Variants in ATF6B observed in about 807,000 individuals in gnomAD.
The protein encoded by ATF6B is activating transcription factor 6 beta, also known as cyclic AMP-dependent transcription factor ATF-6 beta.
Under a neutral mutation model 83.5 loss-of-function variants are expected in ATF6B, and 50 were observed. The observed-to-expected ratio is 0.60, with a 90% confidence interval of 0.48 to 0.76. The LOEUF (loss-of-function observed/expected upper bound fraction) is 0.76. Ranked by LOEUF, ATF6B falls within the 30% of genes least tolerant of loss-of-function variation. The pLI is 0.00. For missense variants in ATF6B, 790 were observed against 893.8 expected (o/e 0.88, Z 1.48); for synonymous variants, 344 against 362.8 (o/e 0.95, Z 0.59).
chr6:32,117,248 C>A lies in ATF6B; in HGVS notation c.1614+75G>T. Reference sequence around the variant, plus strand: ...CCCTCAAACTTCCACAGCGAGATGCCCACTAGAAATCCCCAGACAAGGCCT... The same window carrying A: ...CCCTCAAACTTCCACAGCGAGATGCACACTAGAAATCCCCAGACAAGGCCT... On this transcript the variant is annotated intron_variant, in intron 14 of 17. Transcript: ENST00000375203. The surrounding 1 kb of genome is among the most constrained non-coding windows in gnomAD (Gnocchi z 5.0). The A allele has an allele frequency of 6.4e-7, 1 of 1,562,660 alleles. No individual in the cohort carries two copies. Among genetic ancestry groups the A allele is most frequent in the Non-Finnish European group, 8.7e-7 (1 of 1,144,408 alleles).
Position 32,121,257 on chromosome 6 carries a change from G to A in ATF6B, c.564+6C>T. On this transcript the variant is annotated splice_donor_region_variant and intron_variant, in intron 6 of 17. Coordinates refer to ENST00000375203, the MANE Select transcript of ATF6B (RefSeq NM_004381.5). ...ACCTGGAGGAAGGAAGGAAGGTGGT[G>A]CTCACCTGGCTGGAGGAGTCGGCTG... is the stretch of plus-strand genomic sequence containing the variant. 8 of 1,613,820 alleles carry A rather than the reference G, an allele frequency of 5.0e-6. No homozygotes were observed. The highest frequency in any genetic ancestry group is 6.8e-6 in the Non-Finnish European group (8 of 1,179,838).
intron 1 of ATF6B, 149 bp downstream of exon 1, chr6:32,127,968 C>G: frequency 9.9e-7 from 1 of 1,005,908 alleles, no homozygotes; most frequent in Non-Finnish European, 1.5e-6. Context: ...ACTTTTGTAT[C>G]CCCCTTAATG....
intron 3 of ATF6B, 89 bp downstream of exon 3, chr6:32,127,353 T>C (rs986511514): frequency 6.9e-7 from 1 of 1,457,318 alleles, no homozygotes; most frequent in East Asian, 2.3e-5. Context: ...TGTAGAAGCG[T>C]GAGGATATAG....
In ATF6B at chr6:32,117,603, G is replaced by A. The variant is rs758003211; in HGVS notation, c.1516C>T (p.Arg506Cys). Residue 506 changes from arginine to cysteine, a missense_variant, in exon 13 of 18, where the codon CGC becomes TGC. This residue lies in a region of ATF6B where 530 missense variants were observed against 632.6 expected (regional missense o/e 0.84). Coordinates refer to ENST00000375203, the MANE Select transcript of ATF6B (RefSeq NM_004381.5). The surrounding 1 kb of genome is among the most constrained non-coding windows in gnomAD (Gnocchi z 5.0). ...ATCCCACACCTCAGGGACTCAGTGCGGTTGAAGTGCCGGCAATCAGAGGAG... is the reference window on the plus strand; with the variant it reads ...ATCCCACACCTCAGGGACTCAGTGCAGTTGAAGTGCCGGCAATCAGAGGAG... ...FLSSDCRHFNRTESLRLADEL... is the reference protein window; with the variant it reads ...FLSSDCRHFNCTESLRLADEL... 5.6e-6 allele frequency: 9 copies of A among 1,613,976 alleles called. No individual in the cohort carries two copies. Among genetic ancestry groups the A allele is most frequent in the South Asian group, 1.1e-5 (1 of 91,058 alleles).
Position 32,118,844 on chromosome 6 carries a change from G to A in ATF6B, c.1175C>T (p.Ser392Phe). ...GATGCAGACCACCTTCCTGTTTCCAGACCCTAACTTGAGCTCGCTGTTCTA... is the reference window on the plus strand; with the variant it reads ...GATGCAGACCACCTTCCTGTTTCCAAACCCTAACTTGAGCTCGCTGTTCTA... Reference protein sequence around the residue: ...LAENSELKLGSGNRKVVCIMV... With the variant: ...LAENSELKLGFGNRKVVCIMV... The change falls in exon 11 of 18, where the codon TCT becomes TTT. Residue 392 changes from serine to phenylalanine, a missense_variant. Around this residue, in one of 3 missense-constraint regions of ATF6B, gnomAD observed 530 missense variants for 632.6 expected, o/e 0.84. Coordinates refer to ENST00000375203, the MANE Select transcript of ATF6B (RefSeq NM_004381.5). The surrounding 1 kb of genome is among the most constrained non-coding windows in gnomAD (Gnocchi z 5.2). 6.2e-7 allele frequency: 1 copy of A among 1,614,248 alleles called. No individual in the cohort carries two copies. The highest frequency in any genetic ancestry group is 1.1e-5 in the South Asian group (1 of 91,082).
Position 32,117,698 on chromosome 6 carries a change from G to C in ATF6B, c.1425-4C>G, listed in dbSNP as rs761024235. On this transcript the variant is annotated splice_polypyrimidine_tract_variant and splice_region_variant and intron_variant, in intron 12 of 17. Coordinates refer to ENST00000375203, the MANE Select transcript of ATF6B (RefSeq NM_004381.5). This position sits in a 1 kb window ranked among gnomAD's most constrained non-coding sequence, Gnocchi z 5.0. ...CCCAGGGAAGGCTGTCAGGTTGCTG[G>C]AGTGAAGCAGGAAGGAGACAACACT... 1 of 1,613,446 alleles carries C rather than the reference G, an allele frequency of 6.2e-7. No homozygotes were observed. Among genetic ancestry groups the C allele is most frequent in the Non-Finnish European group, 8.5e-7 (1 of 1,179,572 alleles).
In ATF6B at chr6:32,127,105, C is replaced by A. The variant is rs755289912; in HGVS notation, c.340G>T (p.Glu114Ter). 12 of 1,594,824 alleles carry A rather than the reference C, an allele frequency of 7.5e-6. No homozygotes were observed. The highest frequency in any genetic ancestry group is 1.0e-5 in the Non-Finnish European group (12 of 1,170,758). The change falls in exon 4 of 18, where the codon GAG becomes TAG. Residue 114 changes from glutamate to a stop codon, truncating the protein, a stop_gained and splice_region_variant. Transcript: ENST00000375203. LOFTEE classifies it high-confidence loss of function. ...TAAGAGGGATATGGCTCTCTCACCT[C>A]GCTGGATGGCTCTGTGGAGAGACGC... Reference protein sequence around the residue: ...SSRLSTEPSSEALGVGEVLHV... With the variant: ...SSRLSTEPSS
At position 32,115,689 on chromosome 6, in the gene ATF6B, G is replaced by A; in HGVS notation, c.*50C>T. The A allele has an allele frequency of 6.8e-7, 1 of 1,478,682 alleles. No homozygotes were observed. The highest frequency in any genetic ancestry group is 2.0e-4 in the Middle Eastern group (1 of 5,118). The allele number at this position is 1,478,682 out of a possible 1,614,324, so 91.6% of individuals were successfully genotyped here. On this transcript the variant is annotated 3_prime_UTR_variant, in exon 18 of 18. Coordinates refer to ENST00000375203, the MANE Select transcript of ATF6B (RefSeq NM_004381.5). Reference sequence around the variant, plus strand: ...GGGAAATTTGAAACAGTCCCACCTGGCCACCTGGTACCCCCTCCCCCCGTT... The same window carrying A: ...GGGAAATTTGAAACAGTCCCACCTGACCACCTGGTACCCCCTCCCCCCGTT...
In ATF6B at chr6:32,116,610, C is replaced by T; in HGVS notation, c.1798-46G>A. On this transcript the variant is annotated intron_variant, in intron 16 of 17. Coordinates refer to ENST00000375203, the MANE Select transcript of ATF6B (RefSeq NM_004381.5). The surrounding 1 kb of genome is among the most constrained non-coding windows in gnomAD (Gnocchi z 5.1). ...GCCAGAAGGGTGGAGGCAAAGATGC[C>T]AACAAGCTCCCCAGCCCTACTCTAC... is the stretch of plus-strand genomic sequence containing the variant. The T allele has an allele frequency of 1.3e-6, 2 of 1,597,524 alleles. No homozygotes were observed. Among genetic ancestry groups the T allele is most frequent in the Non-Finnish European group, 1.7e-6 (2 of 1,167,842 alleles).
chr6:32,118,834 C>G lies in ATF6B; in HGVS notation c.1185G>C (p.Arg395Ser). 6.2e-7 allele frequency: 1 copy of G among 1,614,246 alleles called. No homozygotes were observed. The highest frequency in any genetic ancestry group is 8.5e-7 in the Non-Finnish European group (1 of 1,180,052). The change falls in exon 11 of 18, where the codon AGG becomes AGC. Residue 395 changes from arginine to serine, a missense_variant. By Grantham distance (110) the Arg-to-Ser change is moderately radical. Transcript: ENST00000375203. This position sits in a 1 kb window ranked among gnomAD's most constrained non-coding sequence, Gnocchi z 5.2. ...GGAAGACCATGATGCAGACCACCTT[C>G]CTGTTTCCAGACCCTAACTTGAGCT... is the stretch of plus-strand genomic sequence containing the variant. Reference protein sequence around the residue: ...NSELKLGSGNRKVVCIMVFLL... With the variant: ...NSELKLGSGNSKVVCIMVFLL...
chr6:32,119,707 T>C lies in ATF6B; in HGVS notation c.966+117A>G. On this transcript the variant is annotated intron_variant, in intron 9 of 17. Transcript: ENST00000375203. The surrounding 1 kb of genome is among the most constrained non-coding windows in gnomAD (Gnocchi z 4.9). Reference sequence around the variant, plus strand: ...CTCAGAATGATCTAATGGGTCCGTTTCCTCACTTTTTTCTCCTAGGTATCG... The same window carrying C: ...CTCAGAATGATCTAATGGGTCCGTTCCCTCACTTTTTTCTCCTAGGTATCG... 1 of 1,436,210 alleles carries C rather than the reference T, an allele frequency of 7.0e-7. No individual in the cohort carries two copies. Among genetic ancestry groups the C allele is most frequent in the Non-Finnish European group, 9.5e-7 (1 of 1,057,996 alleles). The allele number at this position is 1,436,210 out of a possible 1,614,324, so 89.0% of individuals were successfully genotyped here. A position where few individuals can be genotyped will look rare whatever the true frequency, so the allele number is the denominator to read the frequency against.
rs1782012693 is a variant in ATF6B, at chr6:32,127,131, G to A, written c.314C>T (p.Ser105Leu). The A allele has an allele frequency of 6.2e-7, 1 of 1,610,094 alleles. No homozygotes were observed. Among genetic ancestry groups the A allele is most frequent in the Non-Finnish European group, 8.5e-7 (1 of 1,178,586 alleles). ...GCTGGATGGCTCTGTGGAGAGACGC[G>A]ATGACTCGGAGCTGAGGGAGGAGGA... ...CSSSSLSSESSRLSTEPSSEA... is the reference protein window; with the variant it reads ...CSSSSLSSESLRLSTEPSSEA... The change falls in exon 4 of 18, where the codon TCG (serine) becomes TTG (leucine). Residue 105 changes from serine to leucine, a missense_variant. By Grantham distance (145) the Ser-to-Leu change is moderately radical. Coordinates refer to ENST00000375203, the MANE Select transcript of ATF6B (RefSeq NM_004381.5).
Position 32,128,180 on chromosome 6 carries a change from T to C in ATF6B, c.28A>G (p.Ile10Val). 2.5e-6 allele frequency: 4 copies of C among 1,612,406 alleles called. No individual in the cohort carries two copies. The highest frequency in any genetic ancestry group is 2.2e-5 in the East Asian group (1 of 44,822). ...GTGAAGAAACGCGTCGGGTCAGCAA[T>C]CTCGCTGAGCAGCATCAGCTCCGCC... MAELMLLSE[I>V]ADPTRFFTDN... Residue 10 changes from isoleucine (I) to valine (V), a missense_variant, in exon 1 of 18, where the codon ATT becomes GTT. Around this residue, in one of 3 missense-constraint regions of ATF6B, gnomAD observed 253 missense variants for 243.1 expected, o/e 1.04. Coordinates refer to ENST00000375203, the MANE Select transcript of ATF6B (RefSeq NM_004381.5).
chr6:32,116,786 C>A lies in ATF6B; in HGVS notation c.1715G>T (p.Arg572Leu). ...TGCTGGCTGCGAACGGTCTGGGTGG[C>A]GATATAGTTGCAGCTGGCCCACAGA... is the stretch of plus-strand genomic sequence containing the variant. Reference protein sequence around the residue: ...RDSVGQLQLYRHPDRSQPAFL... With the variant: ...RDSVGQLQLYLHPDRSQPAFL... The change falls in exon 16 of 18, where the codon CGC becomes CTC. Residue 572 changes from arginine to leucine, a missense_variant. Transcript: ENST00000375203. The surrounding 1 kb of genome is among the most constrained non-coding windows in gnomAD (Gnocchi z 5.1). The A allele has an allele frequency of 6.2e-7, 1 of 1,614,028 alleles. No individual in the cohort carries two copies. Among genetic ancestry groups the A allele is most frequent in the Non-Finnish European group, 8.5e-7 (1 of 1,179,980 alleles).
In ATF6B at chr6:32,119,179, G is replaced by C. The variant is rs754026619; in HGVS notation, c.967-38C>G. 2 of 1,575,872 alleles carry C rather than the reference G, an allele frequency of 1.3e-6. No individual in the cohort carries two copies. The highest frequency in any genetic ancestry group is 2.3e-5 in the East Asian group (1 of 43,490). ...AAGGTCAAAAAAGAATGACAGATGA[G>C]TTGGCAGAAGGAGACTATGCTCTCA... On this transcript the variant is annotated intron_variant, in intron 9 of 17. Coordinates refer to ENST00000375203, the MANE Select transcript of ATF6B (RefSeq NM_004381.5). This position sits in a 1 kb window ranked among gnomAD's most constrained non-coding sequence, Gnocchi z 4.9.
rs1781655011 is a variant in ATF6B at position 32,119,160 on chromosome 6, AAAAAAGAATGACAGAT to A, written c.967-35_967-20del. The A allele has an allele frequency of 1.3e-6, 2 of 1,596,154 alleles. No individual in the cohort carries two copies. Among genetic ancestry groups the A allele is most frequent in the Admixed American group, 1.8e-5 (1 of 56,092 alleles). On this transcript the variant is annotated intron_variant, in intron 9 of 17. Coordinates refer to ENST00000375203, the MANE Select transcript of ATF6B (RefSeq NM_004381.5). The surrounding 1 kb of genome is among the most constrained non-coding windows in gnomAD (Gnocchi z 4.9). The stretch of plus-strand genomic sequence containing the variant: ...GCTTTGCCTAGGCACCCGGAAGGTC[AAAAAAGAATGACAGAT>A]GAGTTGGCAGAAGGAGACTATGCTC...
At chr6:32,126,076 C>A (rs1245304737) in intron 5 of ATF6B, 41 bp downstream of exon 5, 1 of 1,612,400 alleles carries the variant, frequency 6.2e-7, no homozygotes, top group East Asian at 2.2e-5. Flanking sequence ...ACACATTCTC[C>A]CGTAGTAGAG....
chr6:32,118,000 A>C lies in ATF6B; in HGVS notation c.1283T>G (p.Met428Arg), dbSNP rs1363532446. Residue 428 changes from methionine to arginine, a missense_variant, in exon 12 of 18, where the codon ATG (methionine) becomes AGG (arginine). Transcript: ENST00000375203. The surrounding 1 kb of genome is among the most constrained non-coding windows in gnomAD (Gnocchi z 5.0). ...CCGGGGTTGAGGCTCCCCCTTGTTC[A>C]TCCGAGGAGAGATGGGAGCTGAAGG... ...EPPSAPISPRMNKGEPQPRRH... is the reference protein window; with the variant it reads ...EPPSAPISPRRNKGEPQPRRH... The C allele has an allele frequency of 2.5e-6, 4 of 1,614,012 alleles. No homozygotes were observed. The highest frequency in any genetic ancestry group is 1.7e-5 in the Admixed American group (1 of 59,986).
In ATF6B at chr6:32,115,399, C is replaced by G. The variant is rs974001516; in HGVS notation, c.*340G>C. 5 of 135,470 alleles carry G rather than the reference C, an allele frequency of 3.7e-5. No individual in the cohort carries two copies. Among genetic ancestry groups the G allele is most frequent in the Non-Finnish European group, 7.8e-5 (5 of 64,072 alleles). The allele number at this position is 135,470 out of a possible 1,614,324, so 8.4% of individuals were successfully genotyped here. A position where few individuals can be genotyped will look rare whatever the true frequency, so the allele number is the denominator to read the frequency against. On this transcript the variant is annotated 3_prime_UTR_variant, in exon 18 of 18. Transcript: ENST00000375203. The stretch of plus-strand genomic sequence containing the variant: ...CCAAAATGAAAAAACTTCCCTTGTC[C>G]CACCTGGGGACTAAATTCCCACCTC...
Sources: gnomAD v4.1 joint callset for allele counts on GRCh38, gnomAD v4.1.1 for gene constraint, gnomAD v4.1.1 regional missense constraint, Gnocchi (gnomAD v3.1) non-coding constraint, MANE v1.5 for transcripts, NCBI Gene and HGNC (gene_info 2026-07-23, HGNC 2026-07-21) for gene names.